MARCHF1: variants seen among roughly 807,000 people sequenced by gnomAD.
The protein encoded by MARCHF1 is E3 ubiquitin-protein ligase MARCHF1.
A neutral mutation model predicts 54.2 loss-of-function variants in MARCHF1; 40 were observed. The ratio of observed to expected loss-of-function variants is 0.74; its 90% CI spans 0.57 to 0.96. The LOEUF is 0.96. MARCHF1 is among the 40% of genes least tolerant of loss of function. The pLI is 0.00. For missense variants in MARCHF1, 586 were observed against 656.5 expected (o/e 0.89, Z 1.17); for synonymous variants, 236 against 236.3 (o/e 1.00, Z 0.01).
At chr4:164,347,705 G>A (rs1220709365) in intron 1 of MARCHF1, among the ~76,000 whole-genome samples, 1 of 152,088 alleles carries the variant, frequency 6.6e-6, no homozygotes, top group Non-Finnish European at 1.5e-5. Flanking sequence ...GAACAGTACT[G>A]AGGAAAAATT....
At chr4:163,977,614 C>A (rs4234965) in intron 3 of MARCHF1, among the ~76,000 whole-genome samples, 79,797 of 151,968 alleles carry the variant, frequency 0.53, 22,438 homozygotes, top group Middle Eastern at 0.68. Context: ...CTTCACAGAA[C>A]AATTCATGTA....
At chr4:163,670,364 A>G (rs1743690281) in intron 5 of MARCHF1, among the ~76,000 whole-genome samples, 1 of 127,632 alleles carries the variant, frequency 7.8e-6, no homozygotes, top group South Asian at 2.5e-4. Context: ...AGTAGGATCT[A>G]TCTATCTATC....
chr4:164,181,128 C>A (rs1250668192), intron 1 of MARCHF1, among the ~76,000 whole-genome samples: 1 of 152,254 alleles, frequency 6.6e-6, no homozygotes, highest in East Asian at 1.9e-4. Context: ...GCCTCTCCCA[C>A]TTTAGCCACC....
intron 3 of MARCHF1, among the ~76,000 whole-genome samples, chr4:163,951,300 C>G (rs541458198): frequency 3.9e-5 from 6 of 152,112 alleles, no homozygotes; most frequent in Non-Finnish European, 5.9e-5. Flanking sequence ...GTCCTTAACT[C>G]TCATCTATGA....
At chr4:163,948,134 T>C (rs1752059492) in intron 3 of MARCHF1, among the ~76,000 whole-genome samples, 1 of 152,220 alleles carries the variant, frequency 6.6e-6, no homozygotes, top group African/African-American at 2.4e-5. Flanking sequence ...AACAAAGATC[T>C]ATCTGATGAC....
At chr4:163,624,120 T>G (rs1741784457) in intron 5 of MARCHF1, among the ~76,000 whole-genome samples, 1 of 152,110 alleles carries the variant, frequency 6.6e-6, no homozygotes, top group South Asian at 2.1e-4. Flanking sequence ...CAATGGTAAT[T>G]GTAAGGCTAT....
chr4:164,329,165 A>G (rs1439871448), intron 1 of MARCHF1, among the ~76,000 whole-genome samples: 6 of 152,216 alleles, frequency 3.9e-5, no homozygotes, highest in Non-Finnish European at 8.8e-5. Context: ...CAAAATCCAC[A>G]TTATCATCAG....
chr4:163,715,190 T>C (rs1406327524), intron 4 of MARCHF1, among the ~76,000 whole-genome samples: 2 of 152,320 alleles, frequency 1.3e-5, no homozygotes, highest in East Asian at 3.9e-4. Context: ...GGCAGCAGTA[T>C]TGGATTAATC....
chr4:163,897,191 C>T (rs2111294098), intron 3 of MARCHF1, among the ~76,000 whole-genome samples: 1 of 152,284 alleles, frequency 6.6e-6, no homozygotes. Context: ...AAACACCCAA[C>T]TCATTGTCCA....
At chr4:163,910,776 C>T (rs758452636) in intron 3 of MARCHF1, among the ~76,000 whole-genome samples, 3 of 152,194 alleles carry the variant, frequency 2.0e-5, no homozygotes, top group Non-Finnish European at 4.4e-5. Context: ...GGATTACGGG[C>T]GTGAGCCACC....
chr4:164,369,570 C>T (rs4691117), intron 1 of MARCHF1, among the ~76,000 whole-genome samples: 78,063 of 151,692 alleles, frequency 0.51, 20,985 homozygotes, highest in East Asian at 0.65. Context: ...CTCTGGGAAC[C>T]CTTCTTCGAA....
At chr4:164,359,181 C>A (rs1401816278) in intron 1 of MARCHF1, among the ~76,000 whole-genome samples, 3 of 152,148 alleles carry the variant, frequency 2.0e-5, no homozygotes, top group Non-Finnish European at 4.4e-5. Context: ...CCATTCACAT[C>A]GTGCTTTAAG....
chr4:164,217,688 G>T (rs1292047981), intron 1 of MARCHF1, among the ~76,000 whole-genome samples: 1 of 152,152 alleles, frequency 6.6e-6, no homozygotes, highest in East Asian at 1.9e-4. Flanking sequence ...CATTTATAAG[G>T]TCTGTTAAAA....
intron 2 of MARCHF1, among the ~76,000 whole-genome samples, chr4:164,023,784 A>G (rs1006412339): frequency 1.3e-5 from 2 of 152,192 alleles, no homozygotes; most frequent in African/African-American, 4.8e-5. Context: ...GAATGACAAG[A>G]AAGCTTATTG....
At chr4:164,022,853 G>T (rs1753693407) in intron 2 of MARCHF1, among the ~76,000 whole-genome samples, 1 of 152,162 alleles carries the variant, frequency 6.6e-6, no homozygotes, top group African/African-American at 2.4e-5. Flanking sequence ...TAGGGCCCCT[G>T]CCTGGCCACC....
intron 1 of MARCHF1, among the ~76,000 whole-genome samples, chr4:164,380,507 C>A (rs1731336518): frequency 6.6e-6 from 1 of 152,160 alleles, no homozygotes. Context: ...ATATTTCCTA[C>A]CACTGTTCAT....
At chr4:164,130,157 AC>A (rs1255287325) in intron 1 of MARCHF1, 1 of 152,202 alleles carries the variant, frequency 6.6e-6, no homozygotes. Context: ...AACTTAAGAA[AC>A]AATGATTATA....
chr4:164,051,878 C>T (rs1172747942), intron 2 of MARCHF1, among the ~76,000 whole-genome samples: 1 of 152,144 alleles, frequency 6.6e-6, no homozygotes, highest in East Asian at 1.9e-4. Context: ...AATTCTATAG[C>T]TTAGAGGACA....
intron 5 of MARCHF1, among the ~76,000 whole-genome samples, chr4:163,688,295 G>A (rs1174763022): frequency 6.6e-6 from 1 of 152,030 alleles, no homozygotes; most frequent in Non-Finnish European, 1.5e-5. Context: ...AAGAAGAGAT[G>A]GTGTAATCCT....
Sources: allele counts gnomAD v4.1 joint callset (sites outside exome capture counted in the v4.1 genomes callset), GRCh38; gene constraint gnomAD v4.1.1; transcripts MANE v1.5; gene names NCBI Gene and HGNC (gene_info 2026-07-23, HGNC 2026-07-21).